The following SLC35H1 variants were observed in gnomAD, a reference collection of about 807,000 sequenced individuals.
The protein encoded by SLC35H1 is solute carrier family 35 member H1.
the SLC35H1 span, chr20:46,364,413 TGCGAGGCCGGATGCC>T: frequency 6.6e-6 from 1 of 152,158 alleles, no homozygotes; most frequent in African/African-American, 2.4e-5. Flanking sequence ...CCACCGGAAG[TGCGAGGCCGGATGCC>T]GCCGCCGAAC....
the SLC35H1 span, chr20:46,352,493 C>A: frequency 2.4e-6 from 1 of 408,866 alleles, no homozygotes; most frequent in South Asian, 3.3e-5. Flanking sequence ...CGGATCCTAG[C>A]GGGATGATGG....
the SLC35H1 span, among the ~76,000 whole-genome samples, chr20:46,362,901 G>A: frequency 6.6e-6 from 1 of 152,236 alleles, no homozygotes; most frequent in African/African-American, 2.4e-5. Context: ...CGAGGAGCTG[G>A]GAATACAGGC....
At chr20:46,358,988 C>T in the SLC35H1 span, 2 of 563,700 alleles carry the variant, frequency 3.5e-6, no homozygotes, top group Non-Finnish European at 6.4e-6. Context: ...TCATGTCAGG[C>T]CACTGCTTAA....
the SLC35H1 span, chr20:46,359,086 C>G: frequency 2.8e-6 from 1 of 359,420 alleles, no homozygotes; most frequent in Non-Finnish European, 5.4e-6. Flanking sequence ...TGCTGGTCTT[C>G]CCAGTCTCAG....
the SLC35H1 span, chr20:46,355,881 GCAAAATTACC>G: frequency 6.2e-7 from 1 of 1,614,072 alleles, no homozygotes; most frequent in Non-Finnish European, 8.5e-7. This position sits in a 1 kb window ranked among gnomAD's most constrained non-coding sequence, Gnocchi z 4.8. Context: ...GTACCTGGAA[GCAAAATTACC>G]CACAATGCAC....
chr20:46,349,057 C>T, the SLC35H1 span: 2 of 152,244 alleles, frequency 1.3e-5, no homozygotes, highest in Admixed American at 1.3e-4. Context: ...TTGTCCCCAC[C>T]CATGGATACC....
the SLC35H1 span, among the ~76,000 whole-genome samples, chr20:46,359,549 C>T: frequency 3.3e-5 from 5 of 152,180 alleles, no homozygotes; most frequent in South Asian, 2.1e-4. Flanking sequence ...AACACTCTAA[C>T]GGCTGGAACA....
At chr20:46,352,271 G>T in the SLC35H1 span, 4 of 1,566,520 alleles carry the variant, frequency 2.6e-6, no homozygotes. Flanking sequence ...GTCCTGGGCT[G>T]CCTTGGCCAG....
At chr20:46,354,883 T>C in the SLC35H1 span, 1 of 1,600,414 alleles carries the variant, frequency 6.2e-7, no homozygotes, top group Admixed American at 1.8e-5. Flanking sequence ...CCAACGTACC[T>C]TCAAATACAG....
the SLC35H1 span, chr20:46,358,455 G>T: frequency 6.2e-7 from 1 of 1,614,222 alleles, no homozygotes; most frequent in Non-Finnish European, 8.5e-7. Context: ...ACCAGCCCCA[G>T]GGTCAACACC....
chr20:46,354,412 CCT>C, the SLC35H1 span, among the ~76,000 whole-genome samples: 47 of 152,214 alleles, frequency 3.1e-4, no homozygotes, highest in Admixed American at 1.3e-3. Context: ...TGGAACAATC[CCT>C]GATTCCCCAT....
At chr20:46,346,659 T>C in the SLC35H1 span, 1 of 152,120 alleles carries the variant, frequency 6.6e-6, no homozygotes, top group Non-Finnish European at 1.5e-5. Flanking sequence ...CGTAAAGCCA[T>C]GAACCTCTCA....
the SLC35H1 span, among the ~76,000 whole-genome samples, chr20:46,360,947 TAA>T: frequency 6.6e-6 from 1 of 152,210 alleles, no homozygotes; most frequent in Non-Finnish European, 1.5e-5. Flanking sequence ...ATATTTGTAA[TAA>T]AAAAGAGGTG....
At chr20:46,364,423 G>C in the SLC35H1 span, 1 of 152,276 alleles carries the variant, frequency 6.6e-6, no homozygotes, top group Admixed American at 6.5e-5. Flanking sequence ...TGCGAGGCCG[G>C]ATGCCGCCGC....
the SLC35H1 span, chr20:46,352,541 G>A: frequency 1.7e-5 from 5 of 288,916 alleles, no homozygotes; most frequent in Admixed American, 9.6e-5. Context: ...GCAGGATGAT[G>A]GGATCCTAGC....
the SLC35H1 span, among the ~76,000 whole-genome samples, chr20:46,354,412 C>T: frequency 6.6e-6 from 1 of 152,096 alleles, no homozygotes; most frequent in Non-Finnish European, 1.5e-5. Context: ...TGGAACAATC[C>T]CTGATTCCCC....
the SLC35H1 span, among the ~76,000 whole-genome samples, chr20:46,353,627 G>T: frequency 6.6e-6 from 1 of 152,214 alleles, no homozygotes; most frequent in Non-Finnish European, 1.5e-5. Flanking sequence ...TCGGCAAATT[G>T]AAGGGAATTC....
chr20:46,350,815 G>C, the SLC35H1 span: 1 of 1,614,088 alleles, frequency 6.2e-7, no homozygotes, highest in Non-Finnish European at 8.5e-7. Context: ...GAGAGGCAGA[G>C]GGCGAAGCCC....
At chr20:46,358,706 C>G in the SLC35H1 span, 1 of 1,550,816 alleles carries the variant, frequency 6.4e-7, no homozygotes, top group Admixed American at 2.0e-5. Context: ...GGGCTGGTGG[C>G]TGGTGCTGAC....
Sources: allele counts gnomAD v4.1 joint callset (sites outside exome capture counted in the v4.1 genomes callset), GRCh38; gene constraint gnomAD v4.1.1; non-coding constraint Gnocchi (gnomAD v3.1); transcripts MANE v1.5; gene names NCBI Gene and HGNC (gene_info 2026-07-23, HGNC 2026-07-21).